OLFM1: variants seen among roughly 807,000 people sequenced by gnomAD.
OLFM1 encodes olfactomedin 1, also known as noelin.
A neutral mutation model predicts 49.7 loss-of-function variants in OLFM1; 9 were observed. The observed-to-expected ratio is 0.18, with a 90% CI of 0.11 to 0.32. The LOEUF (loss-of-function observed/expected upper bound fraction) is 0.32. Ranked by LOEUF, OLFM1 falls within the 10% of genes least tolerant of loss-of-function variation. The probability of loss-of-function intolerance (pLI) is 1.00; values close to 1 mark genes in which losing one functional copy is unlikely to be tolerated. For missense variants in OLFM1, 369 were observed against 661.8 expected, an observed-to-expected ratio of 0.56 and a Z score of 4.85; for synonymous variants, 240 against 271.8, an observed-to-expected ratio of 0.88 and a Z score of 1.15.
At chr9:135,076,566 G>A (rs1052546658) in intron 1 of OLFM1, 13 of 1,089,346 alleles carry the variant, frequency 1.2e-5, no homozygotes, top group Non-Finnish European at 1.5e-5. Context: ...GTCTGTGAGC[G>A]CCGAACTGGG....
intron 5 of OLFM1, among the ~76,000 whole-genome samples, chr9:135,111,964 A>G (rs571237017): frequency 6.6e-6 from 1 of 152,074 alleles, no homozygotes; most frequent in Non-Finnish European, 1.5e-5. Flanking sequence ...ATCCACCTAC[A>G]TCGGCCTCCC....
intron 4 of OLFM1, among the ~76,000 whole-genome samples, chr9:135,099,163 T>G (rs1202644722): frequency 6.6e-6 from 1 of 152,266 alleles, no homozygotes; most frequent in Non-Finnish European, 1.5e-5. Context: ...AACACATTAG[T>G]GTCTGAGTCT....
At chr9:135,076,259 T>C in intron 1 of OLFM1, 2 of 1,550,506 alleles carry the variant, frequency 1.3e-6, no homozygotes, top group Non-Finnish European at 1.7e-6. Flanking sequence ...ACGCTGCCCT[T>C]GGGGGCTCCA....
chr9:135,091,809 TCA>T (rs796302693), intron 2 of OLFM1, among the ~76,000 whole-genome samples: 6 of 60,814 alleles, frequency 9.9e-5, no homozygotes, highest in African/African-American at 3.6e-4. Context: ...TCACACACAC[TCA>T]CATAGTCACA....
chr9:135,108,408 C>T (rs957525779), intron 5 of OLFM1, among the ~76,000 whole-genome samples: 1 of 151,856 alleles, frequency 6.6e-6, no homozygotes, highest in Non-Finnish European at 1.5e-5. Flanking sequence ...CTGAGGCGGG[C>T]GGATCACCTG....
chr9:135,087,412 C>T (rs1377666139), upstream of OLFM1: 6 of 1,545,766 alleles, frequency 3.9e-6, no homozygotes, highest in Admixed American at 2.0e-5. Flanking sequence ...GCGGGCCGTG[C>T]CCCCAGCTGG....
chr9:135,096,052 A>ATCC (rs747912134), intron 3 of OLFM1, 33 bp downstream of exon 3: 37 of 365,908 alleles, frequency 1.0e-4, no homozygotes, highest in Non-Finnish European at 1.3e-4. Flanking sequence ...CCCTCCCCTT[A>ATCC]TCCTCCTCCT....
At chr9:135,099,554 C>A (rs1048686396) in intron 4 of OLFM1, among the ~76,000 whole-genome samples, 4 of 152,156 alleles carry the variant, frequency 2.6e-5, no homozygotes, top group Admixed American at 2.0e-4. Flanking sequence ...TCAGCCAAAC[C>A]CTTGGTTTCC....
At chr9:135,089,440 G>C (rs776478544) in intron 1 of OLFM1, among the ~76,000 whole-genome samples, 4 of 152,218 alleles carry the variant, frequency 2.6e-5, no homozygotes, top group Non-Finnish European at 4.4e-5. Context: ...TGCAAGGTTA[G>C]ACCAGACATG....
chr9:135,078,104 T>G (rs1830490852), intron 1 of OLFM1, among the ~76,000 whole-genome samples: 1 of 152,206 alleles, frequency 6.6e-6, no homozygotes. Context: ...CCAAGCATCT[T>G]ACTTTCTTGA....
At chr9:135,075,793 A>C in exon 1 of OLFM1, 1 of 1,603,560 alleles carries the variant, frequency 6.2e-7, no homozygotes, top group Non-Finnish European at 8.5e-7. Flanking sequence ...TGGGCACTGA[A>C]CTCACTCAAG....
At chr9:135,102,878 TC>T in intron 4 of OLFM1, among the ~76,000 whole-genome samples, 1 of 152,098 alleles carries the variant, frequency 6.6e-6, no homozygotes, top group Non-Finnish European at 1.5e-5. Flanking sequence ...GACCCCTCTG[TC>T]TCTGGCCTGA....
At chr9:135,112,409 C>T (rs905889307) in intron 5 of OLFM1, among the ~76,000 whole-genome samples, 1 of 152,254 alleles carries the variant, frequency 6.6e-6, no homozygotes, top group African/African-American at 2.4e-5. Context: ...AAGATTCTTC[C>T]AGCACGAGGA....
At chr9:135,091,751 TCACA>T (rs1320200516) in intron 2 of OLFM1, among the ~76,000 whole-genome samples, 4 of 71,282 alleles carry the variant, frequency 5.6e-5, no homozygotes, top group South Asian at 4.2e-4. Flanking sequence ...CCACACATAG[TCACA>T]CACACTCACA....
At position 135,087,898 on chromosome 9, in the gene OLFM1, C is replaced by T; in HGVS notation, c.-92C>T. On this transcript the variant is annotated 5_prime_UTR_variant, in exon 1 of 6. Coordinates refer to ENST00000371793, the MANE Select transcript of OLFM1 (RefSeq NM_001282611.2). ...GGGCGCGGGGACACAGCCAGGCGCC[C>T]CTGCCCGCCGCGGTGCCCGCCGCCT... The T allele has an allele frequency of 1.7e-6, 2 of 1,149,986 alleles. No individual in the cohort carries two copies. The highest frequency in any genetic ancestry group is 2.1e-6 in the Non-Finnish European group (2 of 933,102). The allele number at this position is 1,149,986 out of a possible 1,614,324, so 71.2% of individuals were successfully genotyped here.
chr9:135,085,694 G>A (rs1469583931), upstream of OLFM1, among the ~76,000 whole-genome samples: 1 of 152,234 alleles, frequency 6.6e-6, no homozygotes, highest in Non-Finnish European at 1.5e-5. Flanking sequence ...GTATTGCCTG[G>A]CGCCATGGAT....
rs182023124 is a variant in OLFM1, at chr9:135,114,627, C to T, written c.784-4877C>T. Among the ~76,000 whole-genome samples the T allele has an allele frequency of 1.3e-3, 194 of 150,686 alleles. 1 individual carries two copies. Among genetic ancestry groups the T allele is most frequent in the African/African-American group, 4.1e-3 (167 of 40,942 alleles). ...GGGGACGGGGTGGAGGGGCAGCTCCCGCAGGCACAGAGGCAAGAGTTGGTA... is the reference window on the plus strand; with the variant it reads ...GGGGACGGGGTGGAGGGGCAGCTCCTGCAGGCACAGAGGCAAGAGTTGGTA... On this transcript the variant is annotated intron_variant, in intron 5 of 5. Coordinates refer to ENST00000371793, the MANE Select transcript of OLFM1 (RefSeq NM_001282611.2).
In OLFM1 at chr9:135,088,092, A is replaced by T. The variant is rs1830624937; in HGVS notation, c.103A>T (p.Thr35Ser). ...TLPSLVGLNT[T>S]KLSAAGGGTL... ...GCCCTCGCTGGTGGGCCTCAACACC[A>T]CCAAGCTCTCGGCGGCCGGCGGCGG... The change falls in exon 1 of 6, where the codon ACC becomes TCC. Residue 35 changes from threonine (T) to serine (S), a missense_variant. Thr to Ser is a moderately conservative substitution (Grantham distance 58). Coordinates refer to ENST00000371793, the MANE Select transcript of OLFM1 (RefSeq NM_001282611.2). The surrounding 1 kb of genome is among the most constrained non-coding windows in gnomAD (Gnocchi z 4.8). 1.4e-6 allele frequency: 2 copies of T among 1,426,064 alleles called. No homozygotes were observed. 88.3% of individuals were successfully genotyped at this position (1,426,064 alleles called of 1,614,324 possible). A position where few individuals can be genotyped will look rare whatever the true frequency, so the allele number is the denominator to read the frequency against.
chr9:135,095,472 T>A lies in OLFM1; in HGVS notation c.301-392T>A, dbSNP rs200168474. 2.1e-5 allele frequency among the ~76,000 whole-genome samples: 3 copies of A among 146,086 alleles called. No homozygotes were observed. The East Asian group carries it at 5.9e-4, about 29-fold the overall frequency. On this transcript the variant is annotated intron_variant, in intron 2 of 5. Coordinates refer to ENST00000371793, the MANE Select transcript of OLFM1 (RefSeq NM_001282611.2). ...GTTTATGCTTGCCTAACTAATGTTG[T>A]CCTGCAACAGAAAGACTAGGAACAA... is the stretch of plus-strand genomic sequence containing the variant.
Sources: allele counts gnomAD v4.1 joint callset (sites outside exome capture counted in the v4.1 genomes callset), GRCh38; gene constraint gnomAD v4.1.1; non-coding constraint Gnocchi (gnomAD v3.1); transcripts MANE v1.5; gene names NCBI Gene and HGNC (gene_info 2026-07-23, HGNC 2026-07-21).